Variants in NME7 observed in about 807,000 individuals in gnomAD.
NME7 encodes NME/NM23 family member 7, also known as nucleoside diphosphate kinase 7.
A neutral mutation model predicts 49.1 loss-of-function variants in NME7; 41 were observed. The ratio of observed to expected loss-of-function variants is 0.83; its 90% CI spans 0.65 to 1.08. The LOEUF is 1.08. NME7 is among the 50% of genes least tolerant of loss of function. NME7 has a pLI of 0.00. For synonymous variants in NME7, 139 were observed against 150.6 expected (o/e 0.92, Z 0.56); for missense variants, 423 against 463.4 (o/e 0.91, Z 0.80).
At chr1:169,215,995 T>TA (rs1571298494) in intron 10 of NME7, among the ~76,000 whole-genome samples, 1 of 152,178 alleles carries the variant, frequency 6.6e-6, no homozygotes, top group African/African-American at 2.4e-5. Context: ...CTTTCAGGTA[T>TA]AAGATAAAAA....
chr1:169,326,322 C>A (rs2101941227), intron 1 of NME7, among the ~76,000 whole-genome samples: 1 of 152,204 alleles, frequency 6.6e-6, no homozygotes, highest in East Asian at 1.9e-4. Context: ...TCACAGCAAA[C>A]CAATGCTACT....
intron 11 of NME7, among the ~76,000 whole-genome samples, chr1:169,168,194 T>C (rs1368652205): frequency 1.3e-5 from 2 of 152,208 alleles, no homozygotes; most frequent in Admixed American, 6.5e-5. Flanking sequence ...TACACTTGTC[T>C]TTCAAGTCAC....
At chr1:169,155,640 TA>T (rs1411399077) in intron 11 of NME7, among the ~76,000 whole-genome samples, 2 of 152,236 alleles carry the variant, frequency 1.3e-5, no homozygotes, top group Non-Finnish European at 2.9e-5. Flanking sequence ...TGTTGGTGAT[TA>T]AATGTCCTTT....
At position 169,336,571 on chromosome 1, in the gene NME7, C is replaced by T. The variant is rs1283038885; in HGVS notation, c.4-12071G>A. Reference sequence around the variant, plus strand: ...ACCAGAGCAGCTAGATACAGAGTGTCGATTGGTGCATTCACAAACCTTGAG... The same window carrying T: ...ACCAGAGCAGCTAGATACAGAGTGTTGATTGGTGCATTCACAAACCTTGAG... On this transcript the variant is annotated intron_variant, in intron 1 of 11. Coordinates refer to ENST00000367811, the MANE Select transcript of NME7 (RefSeq NM_013330.5). 3.9e-5 allele frequency among the ~76,000 whole-genome samples: 6 copies of T among 152,242 alleles called. No homozygotes were observed. The South Asian group carries it at 6.2e-4, about 16-fold the overall frequency.
At chr1:169,235,906 C>T (rs142102365) in intron 8 of NME7, among the ~76,000 whole-genome samples, 204 of 152,004 alleles carry the variant, frequency 1.3e-3, no homozygotes, top group African/African-American at 4.5e-3. Context: ...AATAAAATTT[C>T]GTTAAATTCT....
intron 6 of NME7, among the ~76,000 whole-genome samples, chr1:169,288,525 T>G (rs79426272): frequency 0.015 from 2,214 of 152,276 alleles, 57 homozygotes; most frequent in African/African-American, 0.05. Context: ...TTCAAACCTG[T>G]GTTGTTTATG....
intron 1 of NME7, among the ~76,000 whole-genome samples, chr1:169,354,636 T>C (rs1415747635): frequency 6.7e-6 from 1 of 148,426 alleles, no homozygotes. Context: ...CTGGTGTACA[T>C]ATTTATATAT....
In NME7 at chr1:169,149,424, G is replaced by A. The variant is rs181538449; in HGVS notation, c.1099-16607C>T. 3.5e-3 allele frequency among the ~76,000 whole-genome samples: 539 copies of A among 152,206 alleles called. 14 individuals are homozygous for A. The highest frequency in any genetic ancestry group is 3.4e-3 in the Middle Eastern group (1 of 294). ...TACACATTTCTCTCTACTGCTAGAG[G>A]ATTATATTTGGTTATTACAGTATTT... On this transcript the variant is annotated intron_variant, in intron 11 of 11. Coordinates refer to ENST00000367811, the MANE Select transcript of NME7 (RefSeq NM_013330.5).
intron 7 of NME7, among the ~76,000 whole-genome samples, chr1:169,243,200 T>C (rs183969728): frequency 6.6e-6 from 1 of 152,236 alleles, no homozygotes; most frequent in East Asian, 1.9e-4. Flanking sequence ...TAGAGATCAA[T>C]GGAACAGAAC....
At chr1:169,188,879 C>T (rs1438942931) in intron 10 of NME7, among the ~76,000 whole-genome samples, 1 of 152,154 alleles carries the variant, frequency 6.6e-6, no homozygotes, top group Non-Finnish European at 1.5e-5. Flanking sequence ...CACATAGTGT[C>T]TTCATTTGAG....
intron 1 of NME7, among the ~76,000 whole-genome samples, chr1:169,358,121 A>C (rs184900919): frequency 6.6e-6 from 1 of 152,100 alleles, no homozygotes; most frequent in South Asian, 2.1e-4. Flanking sequence ...ACAAAATTGC[A>C]TAACACCATT....
At chr1:169,239,915 T>A (rs967329395) in intron 7 of NME7, among the ~76,000 whole-genome samples, 1 of 152,028 alleles carries the variant, frequency 6.6e-6, no homozygotes, top group Non-Finnish European at 1.5e-5. Flanking sequence ...GAAGCCATGA[T>A]AGAAGGACTT....
chr1:169,230,817 G>A lies in NME7; in HGVS notation c.891C>T (p.Asp297=). 6.3e-7 allele frequency: 1 copy of A among 1,575,662 alleles called. No homozygotes were observed. Among genetic ancestry groups the A allele is most frequent in the South Asian group, 1.2e-5 (1 of 85,398 alleles). ...GGCCAGAATACATTTCTGTCACCAT[G>A]TCCTATGATATGTAATATAAAAGAA... is the stretch of plus-strand genomic sequence containing the variant. ...VYKGVVTEYH[D]MVTEMYSGPC... is the part of the protein sequence containing the mutation. The change falls in exon 10 of 12, where the codon GAC becomes GAT. Residue 297 remains aspartate, a splice_region_variant and synonymous_variant. Transcript: ENST00000367811.
At chr1:169,169,356 A>G in intron 11 of NME7, 91 bp downstream of exon 11, 1 of 1,151,432 alleles carries the variant, frequency 8.7e-7, no homozygotes, top group Admixed American at 1.9e-5. Flanking sequence ...GAAGTATAAC[A>G]ATAAAACAAA....
intron 3 of NME7, among the ~76,000 whole-genome samples, chr1:169,312,367 A>C (rs1054794343): frequency 1.3e-5 from 2 of 152,206 alleles, no homozygotes; most frequent in African/African-American, 2.4e-5. Flanking sequence ...TCAAGCTCAG[A>C]GTCACTGTGA....
At chr1:169,137,407 T>C (rs1658464527) in intron 11 of NME7, among the ~76,000 whole-genome samples, 1 of 152,206 alleles carries the variant, frequency 6.6e-6, no homozygotes, top group Non-Finnish European at 1.5e-5. Flanking sequence ...AAAATGTGGT[T>C]GAAAAGGCTG....
At chr1:169,136,232 G>T (rs1234777749) in intron 11 of NME7, among the ~76,000 whole-genome samples, 1 of 152,158 alleles carries the variant, frequency 6.6e-6, no homozygotes, top group Non-Finnish European at 1.5e-5. Context: ...AAGGAGCAGG[G>T]GTTCTGAAAT....
At chr1:169,169,154 G>A in intron 11 of NME7, 1 of 423,278 alleles carries the variant, frequency 2.4e-6, no homozygotes, top group South Asian at 2.0e-5. Flanking sequence ...ATCATCAGAT[G>A]GCCAAGTAAC....
intron 1 of NME7, among the ~76,000 whole-genome samples, chr1:169,355,083 TA>T (rs1653363391): frequency 2.1e-4 from 13 of 63,194 alleles, no homozygotes; most frequent in African/African-American, 7.1e-4. Context: ...ATATAATATA[TA>T]ATATACTATA....
Sources: allele counts gnomAD v4.1 joint callset (sites outside exome capture counted in the v4.1 genomes callset), GRCh38; gene constraint gnomAD v4.1.1; transcripts MANE v1.5; gene names NCBI Gene and HGNC (gene_info 2026-07-23, HGNC 2026-07-21).